Variants in ZC2HC1A observed in about 807,000 individuals in gnomAD.
The protein encoded by ZC2HC1A is zinc finger C2HC-type containing 1A, also known as zinc finger C2HC domain-containing protein 1A.
Under a neutral mutation model 40.7 loss-of-function variants are expected in ZC2HC1A, and 28 were observed. That is an observed-to-expected ratio of 0.69 (90% CI 0.51 to 0.94). The LOEUF (loss-of-function observed/expected upper bound fraction) is 0.94, where lower values mean the gene tolerates loss of function less well. ZC2HC1A is among the 40% of genes least tolerant of loss of function. ZC2HC1A has a pLI of 0.00. For synonymous variants in ZC2HC1A, 129 were observed against 129.2 expected (o/e 1.00, Z 0.01); for missense variants, 389 against 386.3 (o/e 1.01, Z -0.06).
chr8:78,693,518 C>T (rs1810291701), intron 5 of ZC2HC1A, among the ~76,000 whole-genome samples: 1 of 152,146 alleles, frequency 6.6e-6, no homozygotes, highest in South Asian at 2.1e-4. Flanking sequence ...CTTTTGGCCG[C>T]ATAAATGTCT....
intron 3 of ZC2HC1A, among the ~76,000 whole-genome samples, chr8:78,683,930 A>G (rs1809870259): frequency 6.6e-6 from 1 of 152,222 alleles, no homozygotes. Flanking sequence ...CATAACAAGA[A>G]TCACCTTTGC....
chr8:78,669,305 A>C (rs139644080), intron 1 of ZC2HC1A, among the ~76,000 whole-genome samples: 1 of 152,018 alleles, frequency 6.6e-6, no homozygotes, highest in Non-Finnish European at 1.5e-5. Flanking sequence ...TTTCCCTGCT[A>C]TGAAAAAAAT....
intron 1 of ZC2HC1A, among the ~76,000 whole-genome samples, chr8:78,668,092 T>A (rs1313456215): frequency 6.6e-6 from 1 of 152,120 alleles, no homozygotes; most frequent in African/African-American, 2.4e-5. Flanking sequence ...TTTCAAGCAG[T>A]TCAATCTAAT....
intron 5 of ZC2HC1A, among the ~76,000 whole-genome samples, chr8:78,692,686 T>A (rs1810249203): frequency 6.6e-6 from 1 of 152,110 alleles, no homozygotes; most frequent in Non-Finnish European, 1.5e-5. Flanking sequence ...TGTAGGATGG[T>A]TATATAGCCA....
At chr8:78,695,724 A>G (rs1050247629) in intron 5 of ZC2HC1A, among the ~76,000 whole-genome samples, 3 of 152,170 alleles carry the variant, frequency 2.0e-5, no homozygotes, top group African/African-American at 7.2e-5. Flanking sequence ...AAAAATCAGT[A>G]TCATTATATG....
intron 7 of ZC2HC1A, among the ~76,000 whole-genome samples, chr8:78,709,719 TA>T (rs762270772): frequency 0.013 from 1,639 of 130,116 alleles, 6 homozygotes; most frequent in African/African-American, 0.021. Context: ...GCTGATGAAC[TA>T]AAAAAAAAAA....
intron 8 of ZC2HC1A, among the ~76,000 whole-genome samples, chr8:78,716,493 A>G (rs912307300): frequency 1.3e-5 from 2 of 152,150 alleles, no homozygotes; most frequent in Non-Finnish European, 2.9e-5. Flanking sequence ...TATTTATTGC[A>G]TCACAATAAT....
chr8:78,670,838 C>T (rs746620617), intron 1 of ZC2HC1A, among the ~76,000 whole-genome samples: 5 of 152,054 alleles, frequency 3.3e-5, no homozygotes, highest in African/African-American at 9.7e-5. Context: ...TGTGTTGAGT[C>T]GGGTAGGCAT....
chr8:78,670,458 C>T (rs1246953000), intron 1 of ZC2HC1A, among the ~76,000 whole-genome samples: 1 of 152,064 alleles, frequency 6.6e-6, no homozygotes, highest in Non-Finnish European at 1.5e-5. Flanking sequence ...TAAATTTGGG[C>T]AAATAACAAC....
At chr8:78,697,288 C>T in intron 5 of ZC2HC1A, 119 bp from the exon 6 acceptor site, 2 of 770,570 alleles carry the variant, frequency 2.6e-6, no homozygotes, top group Non-Finnish European at 4.0e-6. Flanking sequence ...ATTTCCACAA[C>T]TCTTTTCATC....
At chr8:78,687,859 T>TATATATAATAAATATATATTTATATA (rs1344273924) in intron 4 of ZC2HC1A, among the ~76,000 whole-genome samples, 52 of 85,454 alleles carry the variant, frequency 6.1e-4, no homozygotes, top group South Asian at 1.4e-3. Flanking sequence ...TTATATAATA[T>TATATATAATAAATATATATTTATATA]ATATCTATAT....
chr8:78,690,622 C>T (rs1335928650), intron 5 of ZC2HC1A, among the ~76,000 whole-genome samples: 2 of 151,290 alleles, frequency 1.3e-5, no homozygotes, highest in Admixed American at 6.6e-5. Context: ...TTATAATTGA[C>T]TTGTCAACAT....
chr8:78,705,443 C>T (rs1810741600), intron 7 of ZC2HC1A, among the ~76,000 whole-genome samples: 2 of 152,256 alleles, frequency 1.3e-5, no homozygotes, highest in African/African-American at 4.8e-5. Flanking sequence ...GTGGCCTGCC[C>T]CTCCTCCTGG....
rs958678980 is a variant in ZC2HC1A, at chr8:78,668,167, C to T, written c.16+2003C>T. 3.9e-5 allele frequency among the ~76,000 whole-genome samples: 6 copies of T among 152,088 alleles called. 1 individual carries two copies. In the South Asian group the frequency reaches 1.2e-3, roughly 32 times the overall value. On this transcript the variant is annotated intron_variant, in intron 1 of 8. Transcript: ENST00000263849. The stretch of plus-strand genomic sequence containing the variant: ...CCTTTCTCTCCTTCCTCCTTCTCCC[C>T]TCTCCCTCCCCTAAGAGATCACACC...
chr8:78,687,448 CTATATATACATAATTA>C (rs1810023802), intron 4 of ZC2HC1A, among the ~76,000 whole-genome samples: 1 of 143,814 alleles, frequency 7.0e-6, no homozygotes, highest in South Asian at 2.1e-4. Flanking sequence ...AAGCCATAGA[CTATATATACATAATTA>C]TATATATATT....
In ZC2HC1A at chr8:78,694,286, G is replaced by GT. The variant is rs34581027; in HGVS notation, c.505-3108dup. Among the ~76,000 whole-genome samples the GT allele has an allele frequency of 6.1e-3, 870 of 142,468 alleles. 8 individuals carry two copies. Among genetic ancestry groups the GT allele is most frequent in the African/African-American group, 0.02 (786 of 38,916 alleles). The allele number at this position is 142,468 out of a possible 152,430, so 93.5% of individuals were successfully genotyped here. On this transcript the variant is annotated intron_variant, in intron 5 of 8. Coordinates refer to ENST00000263849, the MANE Select transcript of ZC2HC1A (RefSeq NM_016010.3). ...AGTGACTTGTATGGATATGTTCCTT[G>GT]TTTTTTTTTTTTTCTCATTCAGTTT...
chr8:78,692,937 T>A (rs1340516310), intron 5 of ZC2HC1A, among the ~76,000 whole-genome samples: 3 of 152,100 alleles, frequency 2.0e-5, no homozygotes, highest in Non-Finnish European at 2.9e-5. Context: ...TGTGTCCAAG[T>A]GCTCTCATTG....
intron 1 of ZC2HC1A, among the ~76,000 whole-genome samples, chr8:78,671,031 T>G (rs958201093): frequency 4.6e-5 from 7 of 152,124 alleles, no homozygotes; most frequent in African/African-American, 7.2e-5. Context: ...AAATGAACGG[T>G]GATAGAATAT....
chr8:78,675,255 A>G (rs539919785), intron 1 of ZC2HC1A, among the ~76,000 whole-genome samples: 1 of 151,940 alleles, frequency 6.6e-6, no homozygotes, highest in South Asian at 2.1e-4. Flanking sequence ...GTATAAAATA[A>G]TAATTCACAT....
Sources: gnomAD v4.1 joint callset for allele counts (sites outside exome capture counted in the v4.1 genomes callset) on GRCh38, gnomAD v4.1.1 for gene constraint, MANE v1.5 for transcripts, NCBI Gene and HGNC (gene_info 2026-07-23, HGNC 2026-07-21) for gene names.